The following EPB41 variants were observed in gnomAD, a reference collection of about 807,000 sequenced individuals.
EPB41 encodes erythrocyte membrane protein band 4.1, also known as protein 4.1.
In EPB41, 65 loss-of-function variants were observed where a neutral mutation model predicts 108.0. That is an observed-to-expected ratio of 0.60 (90% CI 0.49 to 0.74). The LOEUF (loss-of-function observed/expected upper bound fraction) is 0.74, where lower values mean the gene tolerates loss of function less well. Among genes scored for constraint, EPB41 ranks in the 30% least tolerant of loss-of-function variants. EPB41 has a pLI of 0.00. For missense variants in EPB41, 875 were observed against 1,037.0 expected, an observed-to-expected ratio of 0.84 and a Z score of 2.15; for synonymous variants, 336 against 358.9, an observed-to-expected ratio of 0.94 and a Z score of 0.72.
chr1:29,048,092 A>G (rs1048245878), intron 11 of EPB41, among the ~76,000 whole-genome samples: 17 of 151,894 alleles, frequency 1.1e-4, no homozygotes, highest in African/African-American at 4.1e-4. Flanking sequence ...CTGGCTGACA[A>G]TTTATAATTG....
chr1:28,889,677 G>A (rs569875284), intron 1 of EPB41: 1 of 358,658 alleles, frequency 2.8e-6, no homozygotes, highest in East Asian at 1.6e-4. Flanking sequence ...CCCAGCTGAT[G>A]GAACCTAGGC....
At chr1:29,021,205 A>G (rs1300702432) in intron 7 of EPB41, among the ~76,000 whole-genome samples, 1 of 152,204 alleles carries the variant, frequency 6.6e-6, no homozygotes, top group African/African-American at 2.4e-5. Context: ...GAGATCTTCA[A>G]GATTCTTTCA....
intron 1 of EPB41, among the ~76,000 whole-genome samples, chr1:28,934,668 G>GTGTT (rs2093913867): frequency 1.2e-5 from 1 of 83,108 alleles, no homozygotes; most frequent in African/African-American, 5.6e-5. Context: ...TTTTGACATT[G>GTGTT]TGTGTGTGTG....
intron 10 of EPB41, among the ~76,000 whole-genome samples, chr1:29,038,026 G>A (rs114045648): frequency 1.7e-3 from 263 of 152,086 alleles, no homozygotes; most frequent in South Asian, 3.1e-3. Flanking sequence ...CAGGCCTCAC[G>A]TCATTTCATT....
chr1:28,933,695 A>G (rs1165487066), intron 1 of EPB41, among the ~76,000 whole-genome samples: 3 of 152,160 alleles, frequency 2.0e-5, no homozygotes, highest in Non-Finnish European at 4.4e-5. Flanking sequence ...ACAAAATGCC[A>G]GTCGGGGTTT....
At chr1:28,959,673 CAT>C (rs1233997566) in intron 1 of EPB41, among the ~76,000 whole-genome samples, 2 of 152,114 alleles carry the variant, frequency 1.3e-5, no homozygotes, top group Admixed American at 1.3e-4. Flanking sequence ...AAAATAGAAA[CAT>C]ATAGTTAAAT....
At chr1:29,035,267 G>A (rs1639031826) in intron 9 of EPB41, among the ~76,000 whole-genome samples, 1 of 152,138 alleles carries the variant, frequency 6.6e-6, no homozygotes, top group Non-Finnish European at 1.5e-5. Context: ...ACAGGCGTAA[G>A]CCACCGTGCC....
At chr1:28,917,587 A>G (rs538191098) in intron 1 of EPB41, among the ~76,000 whole-genome samples, 25 of 148,988 alleles carry the variant, frequency 1.7e-4, no homozygotes, top group Non-Finnish European at 3.1e-4. Flanking sequence ...CCCTGTATAC[A>G]TATGTTTTTA....
intron 15 of EPB41, among the ~76,000 whole-genome samples, chr1:29,063,844 C>T (rs1224997168): frequency 6.6e-6 from 1 of 152,138 alleles, no homozygotes; most frequent in Non-Finnish European, 1.5e-5. Context: ...GGACAAAGAA[C>T]ATTTGAGTTT....
intron 1 of EPB41, among the ~76,000 whole-genome samples, chr1:28,967,637 ACT>A (rs1005717338): frequency 6.6e-6 from 1 of 151,458 alleles, no homozygotes; most frequent in Non-Finnish European, 1.5e-5. Context: ...ACAAGGTTTT[ACT>A]CTGTTTCCGA....
At chr1:28,930,943 ATGATACTG>A (rs1264787234) in intron 1 of EPB41, among the ~76,000 whole-genome samples, 1 of 152,226 alleles carries the variant, frequency 6.6e-6, no homozygotes, top group Admixed American at 6.5e-5. Context: ...TCTTAAATAC[ATGATACTG>A]AAAGTATGAG....
chr1:28,919,663 C>T (rs779895026), intron 1 of EPB41, among the ~76,000 whole-genome samples: 29 of 152,124 alleles, frequency 1.9e-4, no homozygotes, highest in Non-Finnish European at 3.5e-4. Flanking sequence ...CCATGTTGGC[C>T]AGGCTGGTCT....
At chr1:28,953,219 G>T (rs1557796855) in intron 1 of EPB41, among the ~76,000 whole-genome samples, 1 of 151,938 alleles carries the variant, frequency 6.6e-6, no homozygotes, top group Non-Finnish European at 1.5e-5. Flanking sequence ...GTTTGTTGAA[G>T]AAACTGGATC....
chr1:29,024,788 A>C (rs1481034580), intron 7 of EPB41, among the ~76,000 whole-genome samples: 3 of 152,084 alleles, frequency 2.0e-5, no homozygotes, highest in African/African-American at 7.3e-5. Flanking sequence ...TCAAGGGACA[A>C]ATGGATATAG....
chr1:29,031,104 C>T lies in EPB41; in HGVS notation c.1212+617C>T, dbSNP rs953109085. 6.6e-5 allele frequency among the ~76,000 whole-genome samples: 10 copies of T among 152,248 alleles called. No individual in the cohort carries two copies. In the South Asian group the frequency reaches 1.9e-3, roughly 28 times the overall value. Reference sequence around the variant, plus strand: ...GATTACAGGCGTGAGCCACCGTGCCCGGCCTCTTGTTAGCATTTTAAGTGT... The same window carrying T: ...GATTACAGGCGTGAGCCACCGTGCCTGGCCTCTTGTTAGCATTTTAAGTGT... On this transcript the variant is annotated intron_variant, in intron 8 of 20. Coordinates refer to ENST00000343067, the MANE Select transcript of EPB41 (RefSeq NM_001376013.1).
At chr1:28,894,911 C>A (rs754521401) in intron 1 of EPB41, among the ~76,000 whole-genome samples, 2 of 152,148 alleles carry the variant, frequency 1.3e-5, no homozygotes, top group African/African-American at 4.8e-5. Context: ...GCTCACCCAG[C>A]TGGGACTGGA....
intron 16 of EPB41, chr1:29,096,068 C>T (rs892964005): frequency 2.5e-6 from 2 of 815,392 alleles, no homozygotes; most frequent in African/African-American, 3.7e-5. Context: ...ATTTTTGAGG[C>T]TTCCAAAAAT....
chr1:29,050,114 C>T (rs527422648), intron 11 of EPB41, among the ~76,000 whole-genome samples: 36 of 152,302 alleles, frequency 2.4e-4, no homozygotes, highest in African/African-American at 6.5e-4. Flanking sequence ...TTAAGCTCCA[C>T]GCCTTAGGCA....
chr1:28,938,432 T>G (rs191141631), intron 1 of EPB41, among the ~76,000 whole-genome samples: 264 of 152,366 alleles, frequency 1.7e-3, no homozygotes, highest in South Asian at 3.1e-3. Flanking sequence ...TTTGTTAAAT[T>G]TATTCCCAAG....
Sources: allele counts gnomAD v4.1 joint callset (sites outside exome capture counted in the v4.1 genomes callset), GRCh38; gene constraint gnomAD v4.1.1; transcripts MANE v1.5; gene names NCBI Gene and HGNC (gene_info 2026-07-23, HGNC 2026-07-21).